The following CACNA2D3 variants were observed in gnomAD, a reference collection of about 807,000 sequenced individuals.
The protein encoded by CACNA2D3 is calcium voltage-gated channel auxiliary subunit alpha2delta 3.
In CACNA2D3, 60 loss-of-function variants were observed where a neutral mutation model predicts 160.6. The ratio of observed to expected loss-of-function variants is 0.37; its 90% CI spans 0.30 to 0.46. The LOEUF is 0.46. CACNA2D3 is among the 20% of genes least tolerant of loss of function. The pLI is 1.00. For synonymous variants in CACNA2D3, 558 were observed against 492.9 expected, an observed-to-expected ratio of 1.13 and a Z score of -1.75; for missense variants, 1,205 against 1,365.0, an observed-to-expected ratio of 0.88 and a Z score of 1.85.
intron 11 of CACNA2D3, among the ~76,000 whole-genome samples, chr3:54,733,178 T>G (rs1311524589): frequency 6.6e-6 from 1 of 152,228 alleles, no homozygotes. Flanking sequence ...ATCTCGGGAC[T>G]TTTGTTCTGT....
At chr3:55,060,204 A>AT (rs1179805109) in intron 35 of CACNA2D3, among the ~76,000 whole-genome samples, 1 of 152,104 alleles carries the variant, frequency 6.6e-6, no homozygotes, top group Non-Finnish European at 1.5e-5. Context: ...GATCATACCT[A>AT]TTAAACCTGT....
intron 16 of CACNA2D3, among the ~76,000 whole-genome samples, chr3:54,845,966 C>T (rs556912872): frequency 2.6e-5 from 4 of 152,134 alleles, no homozygotes; most frequent in African/African-American, 4.8e-5. Flanking sequence ...TGGAATTATA[C>T]GAAGTCTAGA....
intron 13 of CACNA2D3, among the ~76,000 whole-genome samples, chr3:54,776,573 A>G (rs2107121553): frequency 6.6e-6 from 1 of 152,314 alleles, no homozygotes; most frequent in East Asian, 1.9e-4. Flanking sequence ...CAAAACAGTA[A>G]CAACAACAAA....
At chr3:54,950,919 G>T (rs1328907921) in intron 27 of CACNA2D3, among the ~76,000 whole-genome samples, 1 of 152,182 alleles carries the variant, frequency 6.6e-6, no homozygotes, top group African/African-American at 2.4e-5. Context: ...AAATAAAGAG[G>T]ATACTCTCTG....
At chr3:54,667,508 T>C (rs1163535818) in intron 11 of CACNA2D3, among the ~76,000 whole-genome samples, 1 of 152,192 alleles carries the variant, frequency 6.6e-6, no homozygotes, top group Admixed American at 6.5e-5. Flanking sequence ...ACAATATCCC[T>C]ACCATCACTC....
At chr3:54,449,747 T>A (rs954296584) in intron 4 of CACNA2D3, among the ~76,000 whole-genome samples, 3 of 152,168 alleles carry the variant, frequency 2.0e-5, no homozygotes, top group African/African-American at 7.2e-5. Flanking sequence ...CCTTTTGCCT[T>A]CCACCATGAT....
chr3:54,924,684 T>A, intron 27 of CACNA2D3: 1 of 1,614,062 alleles, frequency 6.2e-7, no homozygotes, highest in Non-Finnish European at 8.5e-7. Context: ...TTTCCAGAGG[T>A]TGTCCTTGAG....
intron 2 of CACNA2D3, among the ~76,000 whole-genome samples, chr3:54,254,872 A>G (rs1328628403): frequency 6.6e-6 from 1 of 152,208 alleles, no homozygotes; most frequent in African/African-American, 2.4e-5. Context: ...TGGAGGCTTT[A>G]TCAATGGAAT....
intron 2 of CACNA2D3, among the ~76,000 whole-genome samples, chr3:54,160,141 C>T (rs1700315516): frequency 6.6e-6 from 1 of 152,116 alleles, no homozygotes; most frequent in East Asian, 1.9e-4. Flanking sequence ...ATGGTCTGCA[C>T]AGGAGAATAT....
At chr3:54,394,152 C>A (rs1699331296) in intron 4 of CACNA2D3, among the ~76,000 whole-genome samples, 1 of 151,972 alleles carries the variant, frequency 6.6e-6, no homozygotes, top group African/African-American at 2.4e-5. Context: ...CGTCAGAGCA[C>A]CCCTTCTTCC....
At chr3:54,974,297 C>T (rs1702335739) in intron 29 of CACNA2D3, among the ~76,000 whole-genome samples, 1 of 152,236 alleles carries the variant, frequency 6.6e-6, no homozygotes, top group Admixed American at 6.5e-5. Flanking sequence ...CAGTACTTTA[C>T]ATGCACCCTC....
chr3:54,319,401 G>T (rs1162128547), intron 2 of CACNA2D3, among the ~76,000 whole-genome samples: 1 of 151,986 alleles, frequency 6.6e-6, no homozygotes, highest in African/African-American at 2.4e-5. Flanking sequence ...GATTTCCCTG[G>T]GTAAGAGCTT....
chr3:54,134,790 A>G (rs188588610), intron 2 of CACNA2D3, among the ~76,000 whole-genome samples: 29 of 152,256 alleles, frequency 1.9e-4, no homozygotes, highest in Non-Finnish European at 3.5e-4. Context: ...ATCCCTGCCC[A>G]TCTGGGTCAG....
chr3:55,036,528 C>T (rs766247606), intron 35 of CACNA2D3, among the ~76,000 whole-genome samples: 37 of 151,698 alleles, frequency 2.4e-4, no homozygotes, highest in Admixed American at 1.4e-3. Flanking sequence ...AGTCCAGTGG[C>T]GCGATCTTGG....
chr3:54,154,478 G>A lies in CACNA2D3; in HGVS notation c.204+30884G>A, dbSNP rs1700207010. Among the ~76,000 whole-genome samples the A allele has an allele frequency of 2.0e-5, 3 of 152,244 alleles. No homozygotes were observed. In the South Asian group the frequency reaches 6.2e-4, roughly 32 times the overall value. On this transcript the variant is annotated intron_variant, in intron 2 of 37. Coordinates refer to ENST00000474759, the MANE Select transcript of CACNA2D3 (RefSeq NM_018398.3). ...GTTTTTAAAATTGTGGGCTTTACTA[G>A]CACATATGTTAAAACAGTCTTTTCC...
intron 3 of CACNA2D3, among the ~76,000 whole-genome samples, chr3:54,331,866 G>A (rs1040031741): frequency 1.3e-5 from 2 of 152,258 alleles, no homozygotes; most frequent in African/African-American, 2.4e-5. Context: ...TTTGATTCAT[G>A]TAAATAATTC....
chr3:54,736,044 T>C (rs1412570597), intron 11 of CACNA2D3, among the ~76,000 whole-genome samples: 139 of 50,292 alleles, frequency 2.8e-3, no homozygotes, highest in Non-Finnish European at 4.7e-3. Flanking sequence ...TGTATATATA[T>C]ACACATACAT....
intron 13 of CACNA2D3, among the ~76,000 whole-genome samples, chr3:54,804,816 G>A (rs1261967354): frequency 6.6e-6 from 1 of 152,148 alleles, no homozygotes; most frequent in Non-Finnish European, 1.5e-5. Flanking sequence ...GCTCTCCTCA[G>A]CAAATGTAAA....
chr3:54,170,631 T>A (rs907876270), intron 2 of CACNA2D3, among the ~76,000 whole-genome samples: 1 of 152,122 alleles, frequency 6.6e-6, no homozygotes, highest in African/African-American at 2.4e-5. Flanking sequence ...CCTCCCTCCC[T>A]CCTTTCTTCC....
Sources: gnomAD v4.1 joint callset for allele counts (sites outside exome capture counted in the v4.1 genomes callset) on GRCh38, gnomAD v4.1.1 for gene constraint, MANE v1.5 for transcripts, NCBI Gene and HGNC (gene_info 2026-07-23, HGNC 2026-07-21) for gene names.